Variants in PID1 observed in about 807,000 individuals in gnomAD.
The protein encoded by PID1 is PTB-containing, cubilin and LRP1-interacting protein.
PID1 carries 10 observed loss-of-function variants against 19.1 expected under a neutral mutation model. The ratio of observed to expected loss-of-function variants is 0.52; its 90% CI spans 0.32 to 0.89. The LOEUF (loss-of-function observed/expected upper bound fraction) is 0.89. Among genes scored for constraint, PID1 ranks in the 40% least tolerant of loss-of-function variants. The pLI is 0.03. For synonymous variants in PID1, 130 were observed against 116.0 expected (o/e 1.12, Z -0.78); for missense variants, 248 against 285.3 (o/e 0.87, Z 0.94).
intron 2 of PID1, among the ~76,000 whole-genome samples, chr2:229,145,957 C>A (rs1469131390): frequency 1.3e-5 from 2 of 152,046 alleles, no homozygotes; most frequent in African/African-American, 2.4e-5. Flanking sequence ...GAGCAATTTT[C>A]TTTATTTTTC....
intron 2 of PID1, among the ~76,000 whole-genome samples, chr2:229,149,371 T>C (rs1244978701): frequency 6.6e-6 from 1 of 152,172 alleles, no homozygotes; most frequent in South Asian, 2.1e-4. Context: ...ATACATGTGA[T>C]GCTAATTTCA....
At chr2:229,107,932 C>G (rs547471711) in intron 2 of PID1, among the ~76,000 whole-genome samples, 1 of 152,148 alleles carries the variant, frequency 6.6e-6, no homozygotes, top group African/African-American at 2.4e-5. Context: ...AAAGCATTTA[C>G]GAGACAACTG....
At chr2:229,204,055 T>G (rs141006469) in intron 1 of PID1, among the ~76,000 whole-genome samples, 2 of 152,016 alleles carry the variant, frequency 1.3e-5, no homozygotes, top group East Asian at 1.9e-4. Flanking sequence ...AGCTGAAAAT[T>G]TGGCAAACTA....
intron 1 of PID1, among the ~76,000 whole-genome samples, chr2:229,186,072 A>G (rs1691122449): frequency 6.6e-6 from 1 of 152,212 alleles, no homozygotes; most frequent in Non-Finnish European, 1.5e-5. Flanking sequence ...CAAAGGGACT[A>G]CATGCCCCAT....
chr2:229,026,179 T>TAGC, intron 2 of PID1, 71 bp from the exon 3 acceptor site: 1 of 1,004,418 alleles, frequency 1.0e-6, no homozygotes, highest in African/African-American at 1.6e-5. Flanking sequence ...ACTGAATGAG[T>TAGC]AGCTGTTCCA....
At chr2:229,145,155 G>GTATATATA (rs5839309) in intron 2 of PID1, among the ~76,000 whole-genome samples, 1,324 of 119,788 alleles carry the variant, frequency 0.011, 11 homozygotes, top group East Asian at 0.018. Context: ...ATATGTATGT[G>GTATATATA]TATATATATA....
intron 1 of PID1, among the ~76,000 whole-genome samples, chr2:229,259,145 T>C (rs148772669): frequency 8.6e-5 from 13 of 151,080 alleles, no homozygotes; most frequent in Admixed American, 4.6e-4. Flanking sequence ...ACTAATGACA[T>C]TGAACATCTT....
intron 2 of PID1, among the ~76,000 whole-genome samples, chr2:229,152,986 T>G (rs946573203): frequency 2.0e-5 from 3 of 152,174 alleles, no homozygotes; most frequent in Non-Finnish European, 4.4e-5. Context: ...TGTTCATTAT[T>G]CCTGGGAGGC....
At chr2:229,233,608 C>T (rs1335021159) in intron 1 of PID1, among the ~76,000 whole-genome samples, 2 of 151,984 alleles carry the variant, frequency 1.3e-5, no homozygotes, top group Non-Finnish European at 2.9e-5. Context: ...TCTCTTGCCT[C>T]AGTCTCCCAG....
intron 1 of PID1, among the ~76,000 whole-genome samples, chr2:229,156,615 G>A (rs1166920748): frequency 1.3e-5 from 2 of 151,946 alleles, no homozygotes; most frequent in Admixed American, 6.6e-5. Flanking sequence ...TCTTTCCTTG[G>A]TCTATGATAA....
intron 2 of PID1, among the ~76,000 whole-genome samples, chr2:229,113,627 C>G (rs545158608): frequency 1.3e-5 from 1 of 77,226 alleles, no homozygotes; most frequent in Non-Finnish European, 3.1e-5. Context: ...TGTGTGTATA[C>G]ATATTTACAG....
chr2:229,256,591 T>C (rs1338086049), intron 1 of PID1, among the ~76,000 whole-genome samples: 1 of 152,210 alleles, frequency 6.6e-6, no homozygotes, highest in East Asian at 1.9e-4. Flanking sequence ...CATCTAAGGC[T>C]TCCCCAAATT....
chr2:229,050,003 G>A (rs1425710169), intron 2 of PID1, among the ~76,000 whole-genome samples: 1 of 151,912 alleles, frequency 6.6e-6, no homozygotes, highest in Admixed American at 6.6e-5. Flanking sequence ...TTAACCTCAG[G>A]CAGTCAAAAT....
At chr2:229,150,281 AAAGAC>A (rs1690224212) in intron 2 of PID1, among the ~76,000 whole-genome samples, 2 of 151,846 alleles carry the variant, frequency 1.3e-5, no homozygotes, top group South Asian at 4.2e-4. Context: ...AAAGAAAAGA[AAAGAC>A]AAGAGGTCAT....
chr2:229,036,488 C>T (rs1281649300), intron 2 of PID1, among the ~76,000 whole-genome samples: 2 of 152,208 alleles, frequency 1.3e-5, no homozygotes, highest in South Asian at 2.1e-4. Flanking sequence ...TGGTGGCTCA[C>T]GGCTGTAATC....
chr2:229,121,891 G>A (rs1253250673), intron 2 of PID1, among the ~76,000 whole-genome samples: 1 of 152,226 alleles, frequency 6.6e-6, no homozygotes, highest in East Asian at 1.9e-4. Flanking sequence ...AGAAAACAGA[G>A]AGTGATTATG....
intron 2 of PID1, among the ~76,000 whole-genome samples, chr2:229,030,348 T>C (rs974802177): frequency 6.6e-6 from 1 of 152,282 alleles, no homozygotes; most frequent in South Asian, 2.1e-4. Context: ...TGGTGATAGT[T>C]GTGTACATTA....
At chr2:229,097,713 T>C (rs147798302) in intron 2 of PID1, among the ~76,000 whole-genome samples, 80 of 152,336 alleles carry the variant, frequency 5.3e-4, no homozygotes, top group Non-Finnish European at 7.9e-4. Context: ...ATTTCTCTTG[T>C]AAGTGACACT....
At chr2:229,233,124 TA>T (rs1309711203) in intron 1 of PID1, among the ~76,000 whole-genome samples, 2 of 152,242 alleles carry the variant, frequency 1.3e-5, no homozygotes, top group Non-Finnish European at 2.9e-5. Flanking sequence ...ATAAATCACA[TA>T]AATTCCTTAG....
Sources: gnomAD v4.1 joint callset for allele counts (sites outside exome capture counted in the v4.1 genomes callset) on GRCh38, gnomAD v4.1.1 for gene constraint, MANE v1.5 for transcripts, NCBI Gene and HGNC (gene_info 2026-07-23, HGNC 2026-07-21) for gene names.